Variants in PDE4A observed in about 807,000 individuals in gnomAD.
PDE4A encodes the protein phosphodiesterase 4A.
Under a neutral mutation model 73.9 loss-of-function variants are expected in PDE4A, and 21 were observed. The observed-to-expected ratio is 0.28, with a 90% CI of 0.20 to 0.41. The LOEUF (loss-of-function observed/expected upper bound fraction) is 0.41. Among genes scored for constraint, PDE4A ranks in the 10% least tolerant of loss-of-function variants. The pLI is 1.00. For missense variants in PDE4A, 958 were observed against 1,211.4 expected (o/e 0.79, Z 3.10); for synonymous variants, 463 against 505.4 (o/e 0.92, Z 1.13).
chr19:10,429,567 G>A (rs2042761768), intron 1 of PDE4A, among the ~76,000 whole-genome samples: 1 of 152,064 alleles, frequency 6.6e-6, no homozygotes. Context: ...CGAACTCCTG[G>A]GCTCAAGTGA....
chr19:10,418,553 A>T (rs957578841), upstream of PDE4A, among the ~76,000 whole-genome samples: 5 of 146,706 alleles, frequency 3.4e-5, no homozygotes, highest in African/African-American at 1.3e-4. Context: ...TGTTTCCGTC[A>T]TGGTCCAATG....
At position 10,459,638 on chromosome 19, in the gene PDE4A, TG is replaced by T; in HGVS notation, c.1246del (p.Val416Ter). The T allele has an allele frequency of 6.2e-7, 1 of 1,614,214 alleles. No individual in the cohort carries two copies. Among genetic ancestry groups the T allele is most frequent in the Non-Finnish European group, 8.5e-7 (1 of 1,180,038 alleles). Reference protein sequence around the residue: ...LKKFRIPVDTMVTYMLTLEDH... With the variant: ...LKKFRIPVDTXVTYMLTLEDH... ...AAATTCCGCATCCCTGTGGACACGA[TG>T]GTGACATACATGCTGACGCTGGAGG... On this transcript the variant is annotated frameshift_variant, in exon 10 of 15. Coordinates refer to ENST00000380702, the MANE Select transcript of PDE4A (RefSeq NM_001111307.2). LOFTEE classifies it high-confidence loss of function.
Position 10,467,710 on chromosome 19 carries a change from G to T in PDE4A, c.*89G>T. ...CTCCTCCTCTGCCTCAAAGACTCTT[G>T]TCCTCTTGTCCCTCCTGAGAAAAAA... is the stretch of plus-strand genomic sequence containing the variant. On this transcript the variant is annotated 3_prime_UTR_variant, in exon 15 of 15. Coordinates refer to ENST00000380702, the MANE Select transcript of PDE4A (RefSeq NM_001111307.2). 1.0e-6 allele frequency: 1 copy of T among 957,960 alleles called. No homozygotes were observed. Among genetic ancestry groups the T allele is most frequent in the South Asian group, 2.0e-5 (1 of 50,410 alleles). The allele number at this position is 957,960 out of a possible 1,614,324, so 59.3% of individuals were successfully genotyped here. A position where few individuals can be genotyped will look rare whatever the true frequency, so the allele number is the denominator to read the frequency against.
chr19:10,420,895 A>G lies in PDE4A; in HGVS notation c.131A>G (p.Gln44Arg). ...WRQPRTPIRI[Q>R]QRGYSDSAER... ...CAGCCTCGGACCCCCATCCGTATCC[A>G]GCAGCGCGGCTACTCCGACAGCGCG... is the stretch of plus-strand genomic sequence containing the variant. The change falls in exon 1 of 15, where the codon CAG (glutamine) becomes CGG (arginine). Residue 44 changes from glutamine (Q) to arginine (R), a missense_variant. Transcript: ENST00000380702. The surrounding 1 kb of genome is among the most constrained non-coding windows in gnomAD (Gnocchi z 6.0). 7 of 1,588,760 alleles carry G rather than the reference A, an allele frequency of 4.4e-6. No individual in the cohort carries two copies. Among genetic ancestry groups the G allele is most frequent in the Non-Finnish European group, 6.0e-6 (7 of 1,175,808 alleles).
rs559891359 is a variant in PDE4A, at chr19:10,435,667, C to T, written c.321-10551C>T. ...GCGGGTCACTTCACCTCCAATGGAGCGTCTGGGCATGTGGCTGTGATGTAA... is the reference window on the plus strand; with the variant it reads ...GCGGGTCACTTCACCTCCAATGGAGTGTCTGGGCATGTGGCTGTGATGTAA... On this transcript the variant is annotated intron_variant, in intron 1 of 14. Coordinates refer to ENST00000380702, the MANE Select transcript of PDE4A (RefSeq NM_001111307.2). 2.6e-5 allele frequency among the ~76,000 whole-genome samples: 4 copies of T among 152,174 alleles called. No individual in the cohort carries two copies. The East Asian group carries it at 7.7e-4, about 29-fold the overall frequency.
intron 6 of PDE4A, among the ~76,000 whole-genome samples, chr19:10,451,507 G>A (rs2043091401): frequency 6.6e-6 from 1 of 152,160 alleles, no homozygotes; most frequent in South Asian, 2.1e-4. Context: ...GGGGTGTTGG[G>A]AATAGATTCT....
At position 10,467,743 on chromosome 19, in the gene PDE4A, A is replaced by C; in HGVS notation, c.*122A>C. ...GTCCCTCCTGAGAAAAAAGAAAACG[A>C]AAAGTGGGGTTTTTTTCTGTTTTCT... On this transcript the variant is annotated 3_prime_UTR_variant, in exon 15 of 15. Transcript: ENST00000380702. 2.8e-6 allele frequency: 2 copies of C among 720,960 alleles called. No homozygotes were observed. Among genetic ancestry groups the C allele is most frequent in the South Asian group, 3.5e-5 (1 of 28,658 alleles). The allele number at this position is 720,960 out of a possible 1,614,324, so 44.7% of individuals were successfully genotyped here. A position where few individuals can be genotyped will look rare whatever the true frequency, so the allele number is the denominator to read the frequency against.
intron 1 of PDE4A, among the ~76,000 whole-genome samples, chr19:10,441,308 T>C (rs1174876922): frequency 1.3e-5 from 2 of 152,160 alleles, no homozygotes; most frequent in Non-Finnish European, 2.9e-5. Context: ...TTTGTATTTT[T>C]AGTAGAGACG....
chr19:10,456,227 C>CA (rs955734700), intron 7 of PDE4A, among the ~76,000 whole-genome samples: 3 of 151,012 alleles, frequency 2.0e-5, no homozygotes, highest in Non-Finnish European at 3.0e-5. Flanking sequence ...TCTGTCTCTA[C>CA]AAAAAAAATT....
In PDE4A at chr19:10,453,036, G is replaced by A. The variant is rs567920811; in HGVS notation, c.784-1793G>A. ...CCCCACCGCCTCCACCCACTGCCGC[G>A]GGGGGGCCCGTTGGGGCCCAGGGCT... is the stretch of plus-strand genomic sequence containing the variant. On this transcript the variant is annotated intron_variant, in intron 6 of 14. Coordinates refer to ENST00000380702, the MANE Select transcript of PDE4A (RefSeq NM_001111307.2). The surrounding 1 kb of genome is among the most constrained non-coding windows in gnomAD (Gnocchi z 4.6). 2.1e-5 allele frequency: 28 copies of A among 1,320,528 alleles called. No individual in the cohort carries two copies. The highest frequency in any genetic ancestry group is 2.6e-5 in the Non-Finnish European group (27 of 1,034,914). The allele number at this position is 1,320,528 out of a possible 1,614,324, so 81.8% of individuals were successfully genotyped here.
intron 7 of PDE4A, 62 bp downstream of exon 7, chr19:10,454,984 C>T (rs1223613094): frequency 1.3e-6 from 2 of 1,533,788 alleles, no homozygotes; most frequent in East Asian, 4.5e-5. Flanking sequence ...GGGGGCTGCC[C>T]CTGACCGTGG....
rs56177515 is a variant in PDE4A at position 10,428,357 on chromosome 19, CGAGAGAGAGAGAGAGAGA to C, written c.320+7292_320+7309del. Among the ~76,000 whole-genome samples the C allele has an allele frequency of 9.5e-5, 13 of 137,396 alleles. No individual in the cohort carries two copies. In the East Asian group the frequency reaches 1.1e-3, roughly 11 times the overall value. 90.1% of individuals were successfully genotyped at this position (137,396 alleles called of 152,430 possible). On this transcript the variant is annotated intron_variant, in intron 1 of 14. Transcript: ENST00000380702. Reference sequence around the variant, plus strand: ...TCGATGACAGAGTGAGATCCTGTCTCGAGAGAGAGAGAGAGAGAGAGAGAGAGAGAGAGAGATATTGAG... The same window carrying C: ...TCGATGACAGAGTGAGATCCTGTCTCGAGAGAGAGAGAGAGAGATATTGAG...
chr19:10,444,079 A>G (rs1280768126), intron 1 of PDE4A, among the ~76,000 whole-genome samples: 2 of 151,234 alleles, frequency 1.3e-5, no homozygotes, highest in Non-Finnish European at 2.9e-5. Flanking sequence ...TGTGTGTTTT[A>G]AGGAAGAGAA....
chr19:10,432,011 C>A lies in PDE4A; in HGVS notation c.320+10927C>A, dbSNP rs1599408782. The stretch of plus-strand genomic sequence containing the variant: ...CCGGCCCCACACTCGAGTCCCGTTT[C>A]CCCGGGGGCGCACGGCGATCAGCGA... On this transcript the variant is annotated intron_variant, in intron 1 of 14. Transcript: ENST00000380702. 2.0e-5 allele frequency among the ~76,000 whole-genome samples: 3 copies of A among 152,162 alleles called. 1 individual carries two copies. In the South Asian group the frequency reaches 6.2e-4, roughly 32 times the overall value.
Position 10,458,273 on chromosome 19 carries a change from T to C in PDE4A, c.1101+171T>C, listed in dbSNP as rs1376661924. ...GCTGGCTCTTTGTACCTCTGTATCA[T>C]TCATTGCTTGGGGGCCGTCCCCAGG... is the stretch of plus-strand genomic sequence containing the variant. On this transcript the variant is annotated intron_variant, in intron 8 of 14. Coordinates refer to ENST00000380702, the MANE Select transcript of PDE4A (RefSeq NM_001111307.2). The surrounding 1 kb of genome is among the most constrained non-coding windows in gnomAD (Gnocchi z 4.6). 6.6e-6 allele frequency among the ~76,000 whole-genome samples: 1 copy of C among 152,200 alleles called. No homozygotes were observed. The highest frequency in any genetic ancestry group is 6.5e-5 in the Admixed American group (1 of 15,272).
chr19:10,457,323 C>A (rs2043185341), intron 7 of PDE4A, among the ~76,000 whole-genome samples: 1 of 151,738 alleles, frequency 6.6e-6, no homozygotes, highest in Non-Finnish European at 1.5e-5. Flanking sequence ...CATTGACTAG[C>A]TAGCTCCAGG....
At chr19:10,436,112 A>C (rs1030532285) in intron 1 of PDE4A, among the ~76,000 whole-genome samples, 2 of 152,110 alleles carry the variant, frequency 1.3e-5, no homozygotes, top group Non-Finnish European at 1.5e-5. Flanking sequence ...ACTGCAGCTT[A>C]AATCCTAGGC....
chr19:10,422,157 T>G (rs889307103), intron 1 of PDE4A, among the ~76,000 whole-genome samples: 5 of 152,116 alleles, frequency 3.3e-5, no homozygotes, highest in African/African-American at 1.2e-4. Flanking sequence ...TGCAATGGTG[T>G]TGGTGGTCTA....
chr19:10,416,955 C>T, upstream of PDE4A: 1 of 1,544,716 alleles, frequency 6.5e-7, no homozygotes, highest in Non-Finnish European at 8.7e-7. Context: ...GAAGAGGAGT[C>T]GCAGTGCCCT....
Sources: allele counts gnomAD v4.1 joint callset (sites outside exome capture counted in the v4.1 genomes callset), GRCh38; gene constraint gnomAD v4.1.1; non-coding constraint Gnocchi (gnomAD v3.1); transcripts MANE v1.5; gene names NCBI Gene and HGNC (gene_info 2026-07-23, HGNC 2026-07-21).